SYT17: variants seen among roughly 807,000 people sequenced by gnomAD.
The protein encoded by SYT17 is synaptotagmin-17.
In SYT17, 22 loss-of-function variants were observed where a neutral mutation model predicts 46.7. That is an observed-to-expected ratio of 0.47 (90% CI 0.34 to 0.67). The LOEUF (loss-of-function observed/expected upper bound fraction) is 0.67. SYT17 is among the 30% of genes least tolerant of loss of function. The pLI is 0.01. For missense variants in SYT17, 519 were observed against 612.8 expected (o/e 0.85, Z 1.62); for synonymous variants, 251 against 248.4 (o/e 1.01, Z -0.10).
At chr16:19,232,891 T>C (rs531185986) in intron 7 of SYT17, among the ~76,000 whole-genome samples, 2 of 152,212 alleles carry the variant, frequency 1.3e-5, no homozygotes, top group Non-Finnish European at 2.9e-5. Context: ...TCCCTACCCC[T>C]GCACATTGTT....
At position 19,267,392 on chromosome 16, in the gene SYT17, A is replaced by C; in HGVS notation, c.*316A>C. The C allele has an allele frequency of 2.0e-5, 4 of 204,010 alleles. No individual in the cohort carries two copies. The highest frequency in any genetic ancestry group is 1.2e-4 in the East Asian group (1 of 8,624). 12.6% of individuals were successfully genotyped at this position (204,010 alleles called of 1,614,324 possible). A position where few individuals can be genotyped will look rare whatever the true frequency, so the allele number is the denominator to read the frequency against. On this transcript the variant is annotated 3_prime_UTR_variant, in exon 8 of 8. Transcript: ENST00000355377. ...CTCTTGTCAATACTCCTGCCCCAAA[A>C]TGCACTTTCAACCCTCAGGCCAGAG... is the stretch of plus-strand genomic sequence containing the variant.
At chr16:19,193,130 G>A (rs1295515104) in intron 5 of SYT17, among the ~76,000 whole-genome samples, 2 of 152,232 alleles carry the variant, frequency 1.3e-5, no homozygotes, top group Non-Finnish European at 2.9e-5. Flanking sequence ...ATGTTGTGAT[G>A]GTTTCATAAG....
rs538248560 is a variant in SYT17 at position 19,228,462 on chromosome 16, AC to A, written c.1228+3627del. Among the ~76,000 whole-genome samples, 11 of 152,284 alleles carry A rather than the reference AC, an allele frequency of 7.2e-5. No homozygotes were observed. The East Asian group carries it at 2.1e-3, about 29-fold the overall frequency. On this transcript the variant is annotated intron_variant, in intron 7 of 7. Coordinates refer to ENST00000355377, the MANE Select transcript of SYT17 (RefSeq NM_016524.4). ...TGCCCCCTTAAATCAGGGATTCTCA[AC>A]CCTGGCTGTACCTTAGAATTACCTG...
At chr16:19,231,508 A>G (rs140004439) in intron 7 of SYT17, among the ~76,000 whole-genome samples, 1,633 of 116,338 alleles carry the variant, frequency 0.014, 39 homozygotes, top group African/African-American at 0.049. Flanking sequence ...GGGCAACAAG[A>G]GTGAAACTCC....
intron 7 of SYT17, among the ~76,000 whole-genome samples, chr16:19,262,969 T>C (rs1969091959): frequency 6.6e-6 from 1 of 151,798 alleles, no homozygotes; most frequent in African/African-American, 2.4e-5. Flanking sequence ...CCATTTCCCG[T>C]TTTTCATTCT....
intron 7 of SYT17, among the ~76,000 whole-genome samples, chr16:19,263,918 C>A (rs1385468313): frequency 6.6e-6 from 1 of 152,166 alleles, no homozygotes; most frequent in Non-Finnish European, 1.5e-5. Flanking sequence ...TAGTTGTCCC[C>A]CACCCTGCCA....
chr16:19,207,408 C>G (rs1965713545), intron 5 of SYT17, among the ~76,000 whole-genome samples: 1 of 152,068 alleles, frequency 6.6e-6, no homozygotes, highest in African/African-American at 2.4e-5. Context: ...GTTTAATTGA[C>G]TTACAGTTCT....
intron 5 of SYT17, among the ~76,000 whole-genome samples, chr16:19,213,627 A>G (rs1965986924): frequency 6.6e-6 from 1 of 152,218 alleles, no homozygotes; most frequent in Non-Finnish European, 1.5e-5. Flanking sequence ...CTCCTGTCTC[A>G]GCCTCCTGAG....
At chr16:19,245,022 T>G (rs531263230) in intron 7 of SYT17, among the ~76,000 whole-genome samples, 7 of 152,254 alleles carry the variant, frequency 4.6e-5, no homozygotes, top group Non-Finnish European at 7.4e-5. Context: ...GTCCATGCCT[T>G]CAACATGCTT....
In SYT17 at chr16:19,267,030, G is replaced by T; in HGVS notation, c.1379G>T (p.Arg460Leu). ...GAGCAGTGGCATAGCCTGAGGTCCC[G>T]AGCTGAGTGTGACCGCGTGTCTCCT... ...AVEQWHSLRSRAECDRVSPAS... is the reference protein window; with the variant it reads ...AVEQWHSLRSLAECDRVSPAS... Residue 460 changes from arginine (R) to leucine (L), a missense_variant, in exon 8 of 8, where the codon CGA becomes CTA. Physicochemically the swap from Arg to Leu is moderately radical, Grantham distance 102. Coordinates refer to ENST00000355377, the MANE Select transcript of SYT17 (RefSeq NM_016524.4). 1 of 1,612,266 alleles carries T rather than the reference G, an allele frequency of 6.2e-7. No homozygotes were observed. Among genetic ancestry groups the T allele is most frequent in the Non-Finnish European group, 8.5e-7 (1 of 1,179,856 alleles).
intron 1 of SYT17, among the ~76,000 whole-genome samples, chr16:19,169,393 C>T (rs765466243): frequency 2.0e-5 from 3 of 152,242 alleles, no homozygotes; most frequent in Non-Finnish European, 4.4e-5. Flanking sequence ...AGGGAAGTGA[C>T]CGCAGGTCAG....
intron 5 of SYT17, among the ~76,000 whole-genome samples, chr16:19,214,017 G>A (rs1217613021): frequency 6.6e-6 from 1 of 152,166 alleles, no homozygotes; most frequent in Non-Finnish European, 1.5e-5. Context: ...CTTGTACCTT[G>A]TAGGATGTTT....
chr16:19,212,962 C>G (rs920635270), intron 5 of SYT17, among the ~76,000 whole-genome samples: 2 of 152,210 alleles, frequency 1.3e-5, no homozygotes, highest in Non-Finnish European at 2.9e-5. Context: ...GCTTTGGCCT[C>G]TTCAGATCCA....
chr16:19,207,702 G>A (rs928786785), intron 5 of SYT17, among the ~76,000 whole-genome samples: 2 of 152,162 alleles, frequency 1.3e-5, no homozygotes, highest in Non-Finnish European at 2.9e-5. Flanking sequence ...TGAGCTCACA[G>A]CTTCGTGGAG....
intron 5 of SYT17, among the ~76,000 whole-genome samples, chr16:19,209,715 CA>C (rs150786893): frequency 1.4e-3 from 198 of 140,402 alleles, no homozygotes; most frequent in Non-Finnish European, 1.6e-3. Context: ...CTAAAAAATA[CA>C]AAAAAAAAAA....
chr16:19,253,066 T>C (rs535716456), intron 7 of SYT17, among the ~76,000 whole-genome samples: 2 of 152,310 alleles, frequency 1.3e-5, no homozygotes, highest in South Asian at 2.1e-4. Context: ...ACCACTGCTT[T>C]AGACAGACCA....
chr16:19,194,463 C>T (rs1014364130), intron 5 of SYT17, among the ~76,000 whole-genome samples: 1 of 152,166 alleles, frequency 6.6e-6, no homozygotes. Flanking sequence ...GCCAGGGCAG[C>T]GTGTTCTGGG....
intron 3 of SYT17, 91 bp from the exon 4 acceptor site, chr16:19,180,300 G>A (rs950956850): frequency 6.3e-5 from 88 of 1,393,370 alleles, no homozygotes; most frequent in Non-Finnish European, 7.9e-5. Context: ...GTCTGAGAGC[G>A]GTTTCATCGT....
intron 1 of SYT17, chr16:19,171,932 A>G (rs1201986038): frequency 6.6e-6 from 1 of 152,256 alleles, no homozygotes; most frequent in Admixed American, 6.5e-5. Flanking sequence ...AGTGGTACCA[A>G]ATTGAGACTT....
Sources: gnomAD v4.1 joint callset for allele counts (sites outside exome capture counted in the v4.1 genomes callset) on GRCh38, gnomAD v4.1.1 for gene constraint, MANE v1.5 for transcripts, NCBI Gene and HGNC (gene_info 2026-07-23, HGNC 2026-07-21) for gene names.